C8orf34: variants seen among roughly 807,000 people sequenced by gnomAD.
C8orf34 encodes the protein chromosome 8 open reading frame 34.
In C8orf34, 65 loss-of-function variants were observed where a neutral mutation model predicts 68.3. The ratio of observed to expected loss-of-function variants is 0.95; its 90% CI spans 0.78 to 1.17. The LOEUF is 1.17. Ranked by LOEUF, C8orf34 falls within the 50% of genes most tolerant of loss-of-function variation. The pLI, the probability that C8orf34 is intolerant of heterozygous loss-of-function variation, is 0.00. For missense variants in C8orf34, 664 were observed against 655.4 expected (o/e 1.01, Z -0.14); for synonymous variants, 244 against 241.2 (o/e 1.01, Z -0.11).
intron 1 of C8orf34, among the ~76,000 whole-genome samples, chr8:68,336,839 T>C (rs1805873528): frequency 1.3e-5 from 2 of 152,070 alleles, no homozygotes; most frequent in Admixed American, 6.6e-5. Flanking sequence ...CAAAGAATAG[T>C]AGGTATGTAT....
intron 6 of C8orf34, among the ~76,000 whole-genome samples, chr8:68,527,483 A>G (rs1815057009): frequency 6.6e-6 from 1 of 152,136 alleles, no homozygotes; most frequent in East Asian, 1.9e-4. Context: ...GAGGCAGGAG[A>G]ATGGCGTGAA....
At chr8:68,710,440 A>C (rs1266852615) in intron 9 of C8orf34, among the ~76,000 whole-genome samples, 2 of 152,058 alleles carry the variant, frequency 1.3e-5, no homozygotes, top group African/African-American at 2.4e-5. Context: ...TTGAGGGGGC[A>C]CGGTGGGTGT....
intron 7 of C8orf34, among the ~76,000 whole-genome samples, chr8:68,576,275 T>C (rs1243092043): frequency 1.3e-5 from 2 of 151,716 alleles, no homozygotes; most frequent in African/African-American, 4.9e-5. Context: ...TTTAAAAAAA[T>C]AGCAACCTTT....
chr8:68,524,305 A>G (rs1266781269), intron 6 of C8orf34, among the ~76,000 whole-genome samples: 2 of 152,166 alleles, frequency 1.3e-5, no homozygotes, highest in Admixed American at 1.3e-4. Context: ...GATGTACTGT[A>G]TGTGAACTTC....
At chr8:68,550,285 T>A (rs976782698) in intron 7 of C8orf34, among the ~76,000 whole-genome samples, 2 of 151,768 alleles carry the variant, frequency 1.3e-5, no homozygotes, top group African/African-American at 4.8e-5. Context: ...TGCTATGGAG[T>A]TTGGAATATA....
chr8:68,459,766 A>C (rs937229418), intron 3 of C8orf34, among the ~76,000 whole-genome samples: 2 of 152,224 alleles, frequency 1.3e-5, no homozygotes, highest in African/African-American at 4.8e-5. Context: ...CTAAGTGTCC[A>C]TCAGCAGATA....
chr8:68,683,674 G>C (rs1002873907), intron 8 of C8orf34, among the ~76,000 whole-genome samples: 3 of 152,004 alleles, frequency 2.0e-5, no homozygotes, highest in African/African-American at 4.8e-5. Flanking sequence ...ATATACATGA[G>C]AGTAAAATAT....
At chr8:68,752,676 A>G (rs1216438286) in intron 10 of C8orf34, among the ~76,000 whole-genome samples, 1 of 152,122 alleles carries the variant, frequency 6.6e-6, no homozygotes, top group Non-Finnish European at 1.5e-5. Context: ...TTCGTTGTGG[A>G]TGCGCAGTGG....
chr8:68,347,104 TC>T (rs1017154834), intron 1 of C8orf34, among the ~76,000 whole-genome samples: 2 of 152,064 alleles, frequency 1.3e-5, no homozygotes, highest in African/African-American at 4.8e-5. Context: ...CTGCTCCTCT[TC>T]CCCCTCCCAC....
At chr8:68,609,261 C>G (rs117286320) in intron 7 of C8orf34, among the ~76,000 whole-genome samples, 2,605 of 152,080 alleles carry the variant, frequency 0.017, 38 homozygotes, top group Middle Eastern at 0.054. Context: ...CAAAACAATC[C>G]CTAACTTCTG....
At chr8:68,556,254 A>G (rs546016517) in intron 7 of C8orf34, among the ~76,000 whole-genome samples, 10 of 149,364 alleles carry the variant, frequency 6.7e-5, no homozygotes, top group Admixed American at 2.0e-4. Flanking sequence ...GCTACTATCT[A>G]TAGTTAAATT....
intron 8 of C8orf34, among the ~76,000 whole-genome samples, chr8:68,676,041 T>C (rs192838150): frequency 7.9e-5 from 12 of 152,182 alleles, no homozygotes; most frequent in African/African-American, 2.9e-4. Flanking sequence ...CAATTGTAAA[T>C]AAATATGCAC....
chr8:68,460,176 T>A (rs1268728196), intron 3 of C8orf34, among the ~76,000 whole-genome samples: 1 of 151,942 alleles, frequency 6.6e-6, no homozygotes, highest in African/African-American at 2.4e-5. Flanking sequence ...ACCCACGGAG[T>A]CTCGCTGATT....
chr8:68,800,752 A>T (rs1178122518), intron 12 of C8orf34, among the ~76,000 whole-genome samples: 5 of 152,218 alleles, frequency 3.3e-5, no homozygotes. Context: ...ACTGAAGCCC[A>T]AAAGAATGAC....
intron 5 of C8orf34, among the ~76,000 whole-genome samples, chr8:68,503,550 A>G (rs1168210560): frequency 6.6e-6 from 1 of 152,174 alleles, no homozygotes; most frequent in Non-Finnish European, 1.5e-5. Flanking sequence ...CATAGGTAGG[A>G]TGCAGAAGAT....
At chr8:68,549,635 G>A (rs1815999736) in intron 7 of C8orf34, among the ~76,000 whole-genome samples, 1 of 151,680 alleles carries the variant, frequency 6.6e-6, no homozygotes, top group Non-Finnish European at 1.5e-5. Context: ...GAGAATATCT[G>A]AGGAGTCAAA....
chr8:68,802,390 A>G (rs1332696890), intron 12 of C8orf34, among the ~76,000 whole-genome samples: 2 of 152,188 alleles, frequency 1.3e-5, no homozygotes, highest in Admixed American at 6.5e-5. Context: ...GTGAGCCACC[A>G]TGCCCAGCTG....
intron 3 of C8orf34, among the ~76,000 whole-genome samples, chr8:68,462,310 A>G (rs1166473758): frequency 6.6e-6 from 1 of 152,204 alleles, no homozygotes; most frequent in Non-Finnish European, 1.5e-5. Flanking sequence ...AATGACCTAC[A>G]AAGGGACTTA....
chr8:68,352,989 A>G (rs781474283), intron 1 of C8orf34, among the ~76,000 whole-genome samples: 17 of 152,138 alleles, frequency 1.1e-4, no homozygotes, highest in Admixed American at 1.1e-3. Context: ...TGGAATGCTT[A>G]TATCTCTTGC....
Sources: gnomAD v4.1 joint callset for allele counts (sites outside exome capture counted in the v4.1 genomes callset) on GRCh38, gnomAD v4.1.1 for gene constraint, MANE v1.5 for transcripts, NCBI Gene and HGNC (gene_info 2026-07-23, HGNC 2026-07-21) for gene names.